SLC4A8: variants seen among roughly 807,000 people sequenced by gnomAD.
SLC4A8 encodes the protein electroneutral sodium bicarbonate exchanger 1.
Under a neutral mutation model 125.0 loss-of-function variants are expected in SLC4A8, and 40 were observed. The observed-to-expected ratio is 0.32, with a 90% CI of 0.25 to 0.42. The LOEUF (loss-of-function observed/expected upper bound fraction) is 0.42. SLC4A8 is among the 10% of genes least tolerant of loss of function. SLC4A8 has a pLI of 1.00. For missense variants in SLC4A8, 863 were observed against 1,355.1 expected, an observed-to-expected ratio of 0.64 and a Z score of 5.70; for synonymous variants, 456 against 476.0, an observed-to-expected ratio of 0.96 and a Z score of 0.55.
At chr12:51,487,044 G>T (rs116098568) in intron 17 of SLC4A8, among the ~76,000 whole-genome samples, 2 of 152,126 alleles carry the variant, frequency 1.3e-5, no homozygotes, top group Non-Finnish European at 2.9e-5. Context: ...AACATTAAGC[G>T]GTCCTTGGAA....
chr12:51,505,573 A>C (rs1938131637), intron 23 of SLC4A8, among the ~76,000 whole-genome samples: 1 of 152,214 alleles, frequency 6.6e-6, no homozygotes, highest in African/African-American at 2.4e-5. Context: ...GGAGGAGTGC[A>C]CAGTTGTGGG....
At chr12:51,462,249 T>G in intron 9 of SLC4A8, 61 bp from the exon 10 acceptor site, 3 of 1,409,136 alleles carry the variant, frequency 2.1e-6, no homozygotes, top group Non-Finnish European at 3.0e-6. Flanking sequence ...ACCATATCCA[T>G]TGGTGATTGT....
rs538431627 is a variant in SLC4A8 at position 51,510,758 on chromosome 12, A to G, written c.*3320A>G. The G allele has an allele frequency of 6.6e-6, 1 of 152,260 alleles. No individual in the cohort carries two copies. The highest frequency in any genetic ancestry group is 6.5e-5 in the Admixed American group (1 of 15,304). The allele number at this position is 152,260 out of a possible 1,614,324, so 9.4% of individuals were successfully genotyped here. On this transcript the variant is annotated 3_prime_UTR_variant, in exon 25 of 25. Transcript: ENST00000453097. ...AGCCCTCCTCCTGTGTGGCTAGAGA[A>G]AGAGATGGCACCAGGATCTCTTAAC...
chr12:51,446,080 C>T (rs898921644), intron 2 of SLC4A8, among the ~76,000 whole-genome samples: 4 of 152,326 alleles, frequency 2.6e-5, no homozygotes, highest in East Asian at 1.9e-4. Flanking sequence ...AGTATTTTCA[C>T]GCTATATGCT....
intron 16 of SLC4A8, 135 bp from the exon 17 acceptor site, chr12:51,485,652 T>G: frequency 1.7e-6 from 1 of 597,578 alleles, no homozygotes; most frequent in South Asian, 2.2e-5. Context: ...ATTCCTGTTG[T>G]TTAAATTTGC....
chr12:51,515,637 G>A lies in SLC4A8; in HGVS notation c.*8199G>A, dbSNP rs1256430081. The stretch of plus-strand genomic sequence containing the variant: ...AACAAGACCCCTTTCCCTCACCACC[G>A]AGTCTCGTGGTCTGTGTCTGTGAAC... On this transcript the variant is annotated 3_prime_UTR_variant, in exon 25 of 25. Coordinates refer to ENST00000453097, the MANE Select transcript of SLC4A8 (RefSeq NM_001039960.3). 2 of 152,114 alleles carry A rather than the reference G, an allele frequency of 1.3e-5. No homozygotes were observed. Among genetic ancestry groups the A allele is most frequent in the African/African-American group, 2.4e-5 (1 of 41,424 alleles). 9.4% of individuals were successfully genotyped at this position (152,114 alleles called of 1,614,324 possible).
At chr12:51,437,168 G>A (rs1447325043) in intron 1 of SLC4A8, among the ~76,000 whole-genome samples, 1 of 152,042 alleles carries the variant, frequency 6.6e-6, no homozygotes, top group East Asian at 1.9e-4. Context: ...ATTCCAGTTG[G>A]CCTCAAAAAC....
chr12:51,440,550 ATTT>A (rs1187437760), intron 1 of SLC4A8, among the ~76,000 whole-genome samples, 155 bp from the exon 2 acceptor site: 1 of 152,100 alleles, frequency 6.6e-6, no homozygotes, highest in Non-Finnish European at 1.5e-5. Flanking sequence ...TGGCTACCAT[ATTT>A]GCATCTAAAA....
intron 5 of SLC4A8, 64 bp from the exon 6 acceptor site, chr12:51,457,287 A>G: frequency 7.0e-7 from 1 of 1,421,426 alleles, no homozygotes; most frequent in Non-Finnish European, 9.8e-7. Flanking sequence ...ACTCCACCTG[A>G]TGTTGGCCTT....
intron 21 of SLC4A8, 101 bp downstream of exon 21, chr12:51,495,219 G>A: frequency 1.1e-6 from 1 of 939,944 alleles, no homozygotes; most frequent in Non-Finnish European, 1.6e-6. Context: ...GTACAGTTGA[G>A]TGGCATTAAG....
intron 24 of SLC4A8, 112 bp downstream of exon 24, chr12:51,506,042 C>G (rs1256796208): frequency 9.8e-6 from 6 of 614,192 alleles, no homozygotes; most frequent in African/African-American, 1.8e-5. Flanking sequence ...ATAAATAGCA[C>G]TTCCAGGAAC....
chr12:51,499,353 C>T (rs1937737803), intron 22 of SLC4A8, among the ~76,000 whole-genome samples: 1 of 151,152 alleles, frequency 6.6e-6, no homozygotes, highest in African/African-American at 2.4e-5. Flanking sequence ...GCACCCCCCA[C>T]ACACGTGAAA....
intron 2 of SLC4A8, among the ~76,000 whole-genome samples, chr12:51,447,076 A>G (rs1021086276): frequency 1.3e-5 from 2 of 152,048 alleles, no homozygotes; most frequent in Admixed American, 6.5e-5. Flanking sequence ...CTGTCTATCT[A>G]TCTATCTATC....
intron 19 of SLC4A8, 110 bp from the exon 20 acceptor site, chr12:51,493,594 A>C: frequency 1.3e-6 from 1 of 742,716 alleles, no homozygotes; most frequent in Non-Finnish European, 2.4e-6. Flanking sequence ...ATGTGTCTGC[A>C]GCTATTTTGT....
At chr12:51,496,538 G>A (rs1424952340) in intron 21 of SLC4A8, among the ~76,000 whole-genome samples, 5 of 152,334 alleles carry the variant, frequency 3.3e-5, no homozygotes, top group East Asian at 1.9e-4. Flanking sequence ...CCCAAAGCAA[G>A]GATTTGGGTA....
intron 1 of SLC4A8, among the ~76,000 whole-genome samples, chr12:51,411,575 G>A (rs150860339): frequency 2.7e-5 from 4 of 150,732 alleles, no homozygotes; most frequent in East Asian, 2.0e-4. Flanking sequence ...GATGATGAGA[G>A]TGAGACCCTG....
intron 2 of SLC4A8, among the ~76,000 whole-genome samples, chr12:51,447,827 C>G (rs551145956): frequency 6.6e-6 from 1 of 151,628 alleles, no homozygotes; most frequent in African/African-American, 2.4e-5. Flanking sequence ...TGCCATTCTC[C>G]TGCCTCAGCC....
chr12:51,452,848 G>A (rs1361378099), intron 4 of SLC4A8, among the ~76,000 whole-genome samples: 1 of 152,154 alleles, frequency 6.6e-6, no homozygotes, highest in Non-Finnish European at 1.5e-5. Flanking sequence ...ACATGTCTAG[G>A]GTCCTCTAGT....
At chr12:51,478,459 G>A (rs1016395982) in intron 16 of SLC4A8, among the ~76,000 whole-genome samples, 5 of 151,776 alleles carry the variant, frequency 3.3e-5, no homozygotes, top group African/African-American at 4.8e-5. Flanking sequence ...AATTACAGAC[G>A]CAAAGAAACT....
Sources: gnomAD v4.1 joint callset for allele counts (sites outside exome capture counted in the v4.1 genomes callset) on GRCh38, gnomAD v4.1.1 for gene constraint, MANE v1.5 for transcripts, NCBI Gene and HGNC (gene_info 2026-07-23, HGNC 2026-07-21) for gene names.